PHF2: variants seen among roughly 807,000 people sequenced by gnomAD.
PHF2 encodes lysine-specific demethylase PHF2.
Under a neutral mutation model 120.5 loss-of-function variants are expected in PHF2, and 27 were observed. The ratio of observed to expected loss-of-function variants is 0.22; its 90% CI spans 0.17 to 0.31. The LOEUF (loss-of-function observed/expected upper bound fraction) is 0.31, where lower values mean the gene tolerates loss of function less well. PHF2 is among the 10% of genes least tolerant of loss of function. PHF2 has a pLI of 1.00. For synonymous variants in PHF2, 568 were observed against 592.5 expected, an observed-to-expected ratio of 0.96 and a Z score of 0.60; for missense variants, 1,024 against 1,434.8, an observed-to-expected ratio of 0.71 and a Z score of 4.63.
intron 1 of PHF2, among the ~76,000 whole-genome samples, chr9:93,578,645 G>C (rs1862879504): frequency 6.6e-6 from 1 of 152,204 alleles, no homozygotes; most frequent in Non-Finnish European, 1.5e-5. Flanking sequence ...CGCTGCTTAG[G>C]GGACCCTCTG....
At chr9:93,672,966 G>T (rs1434801290) in intron 17 of PHF2, among the ~76,000 whole-genome samples, 2 of 151,596 alleles carry the variant, frequency 1.3e-5, no homozygotes, top group Non-Finnish European at 2.9e-5. Context: ...ATAGGAGTAG[G>T]TGCAGGTGTA....
chr9:93,617,547 T>G (rs1825748657), intron 1 of PHF2, among the ~76,000 whole-genome samples: 2 of 152,234 alleles, frequency 1.3e-5, no homozygotes, highest in Admixed American at 1.3e-4. Flanking sequence ...ATCTGAATTC[T>G]ACACTCCCCG....
intron 3 of PHF2, among the ~76,000 whole-genome samples, chr9:93,641,114 TAGG>T (rs1039951132): frequency 4.6e-5 from 7 of 152,132 alleles, no homozygotes; most frequent in Non-Finnish European, 8.8e-5. Flanking sequence ...CTGTGATCAT[TAGG>T]AGCATTTCTC....
chr9:93,676,794 GC>G lies in PHF2; in HGVS notation c.3038del (p.Pro1013ArgfsTer74). 6.4e-7 allele frequency: 1 copy of G among 1,552,590 alleles called. No homozygotes were observed. The highest frequency in any genetic ancestry group is 8.7e-7 in the Non-Finnish European group (1 of 1,147,792). ...CCTCGCAGGAGGGCAGCTCGCCAGA[GC>G]CCCCGCCTGAGTCGCATAGCAGCAG... is the stretch of plus-strand genomic sequence containing the variant. ...QASQEGSSPE[P>X]PPESHSSSLA... On this transcript the variant is annotated frameshift_variant, in exon 21 of 22. Transcript: ENST00000359246. LOFTEE classifies it high-confidence loss of function.
chr9:93,628,965 C>T (rs7018598), intron 1 of PHF2, among the ~76,000 whole-genome samples: 2 of 151,890 alleles, frequency 1.3e-5, no homozygotes, highest in African/African-American at 2.4e-5. Context: ...GGTGCAATCT[C>T]GGCTCACTGC....
intron 2 of PHF2, among the ~76,000 whole-genome samples, chr9:93,635,834 A>T (rs747001276): frequency 4.6e-5 from 7 of 152,242 alleles, no homozygotes; most frequent in Middle Eastern, 3.4e-3. Flanking sequence ...GTGAGGAAGT[A>T]GGTGGGGTAG....
chr9:93,663,698 A>G (rs1465264407), intron 14 of PHF2, 63 bp downstream of exon 14: 2 of 884,172 alleles, frequency 2.3e-6, no homozygotes, highest in Non-Finnish European at 1.9e-6. Flanking sequence ...CACACCATAC[A>G]TACTGCATCA....
chr9:93,643,426 C>G (rs1292562021), intron 3 of PHF2, among the ~76,000 whole-genome samples: 3 of 152,194 alleles, frequency 2.0e-5, no homozygotes, highest in African/African-American at 7.2e-5. Flanking sequence ...TCGAGCTTCC[C>G]ACACGGTTGC....
rs1198476633 is a variant in PHF2 at position 93,679,527 on chromosome 9, G to A, written c.*1851G>A. ...ATTACTCTTGTATCGAGTCCATGAGGTCTAAGGCAACTTAGATCAAAGTTT... is the reference window on the plus strand; with the variant it reads ...ATTACTCTTGTATCGAGTCCATGAGATCTAAGGCAACTTAGATCAAAGTTT... On this transcript the variant is annotated 3_prime_UTR_variant, in exon 22 of 22. Coordinates refer to ENST00000359246, the MANE Select transcript of PHF2 (RefSeq NM_005392.4). The A allele has an allele frequency of 4.1e-6, 1 of 245,480 alleles. No homozygotes were observed. Among genetic ancestry groups the A allele is most frequent in the East Asian group, 1.4e-4 (1 of 7,230 alleles). 15.2% of individuals were successfully genotyped at this position (245,480 alleles called of 1,614,324 possible). A position where few individuals can be genotyped will look rare whatever the true frequency, so the allele number is the denominator to read the frequency against.
At position 93,581,885 on chromosome 9, in the gene PHF2, G is replaced by C. The variant is rs535281785; in HGVS notation, c.98+5014G>C. On this transcript the variant is annotated intron_variant, in intron 1 of 21. Transcript: ENST00000359246. ...GAGTTTTTCTGGTGGGAGCAAGTGTGGGCCAGAAAATAGTGTTCCGTGACA... is the reference window on the plus strand; with the variant it reads ...GAGTTTTTCTGGTGGGAGCAAGTGTCGGCCAGAAAATAGTGTTCCGTGACA... 2.2e-3 allele frequency among the ~76,000 whole-genome samples: 341 copies of C among 152,250 alleles called. 2 individuals are homozygous for C. Among genetic ancestry groups the C allele is most frequent in the Non-Finnish European group, 4.1e-3 (276 of 68,022 alleles).
At chr9:93,660,667 AG>A (rs1826548768) in intron 12 of PHF2, 107 bp downstream of exon 12, 2 of 1,116,398 alleles carry the variant, frequency 1.8e-6, no homozygotes, top group African/African-American at 3.2e-5. Context: ...CTTGTTCCCC[AG>A]GGGCCCCTGA....
At chr9:93,586,877 G>C (rs998870937) in intron 1 of PHF2, among the ~76,000 whole-genome samples, 1 of 152,210 alleles carries the variant, frequency 6.6e-6, no homozygotes, top group Non-Finnish European at 1.5e-5. Flanking sequence ...CTCATCACCA[G>C]CCGCCTGCGA....
chr9:93,577,154 G>T (rs1862837348), intron 1 of PHF2, among the ~76,000 whole-genome samples: 1 of 149,872 alleles, frequency 6.7e-6, no homozygotes, highest in African/African-American at 2.4e-5. Flanking sequence ...GGCTCGGGGC[G>T]CGGGGAAGTT....
At chr9:93,673,071 G>C (rs1181724244) in intron 17 of PHF2, among the ~76,000 whole-genome samples, 1 of 151,864 alleles carries the variant, frequency 6.6e-6, no homozygotes, top group African/African-American at 2.4e-5. Flanking sequence ...TGTGCCATGG[G>C]AGGGAGTGGG....
At chr9:93,633,958 G>A (rs991228086) in intron 2 of PHF2, among the ~76,000 whole-genome samples, 3 of 152,170 alleles carry the variant, frequency 2.0e-5, no homozygotes, top group East Asian at 1.9e-4. Flanking sequence ...GCATAACCAC[G>A]GGGCTGCCTC....
chr9:93,645,882 G>T, intron 4 of PHF2, 93 bp downstream of exon 4: 2 of 1,375,790 alleles, frequency 1.5e-6, no homozygotes, highest in East Asian at 5.0e-5. Context: ...CGCCCTGGCT[G>T]TGTCCATGTG....
At chr9:93,658,855 C>T (rs996851090) in intron 10 of PHF2, among the ~76,000 whole-genome samples, 1 of 152,186 alleles carries the variant, frequency 6.6e-6, no homozygotes, top group Non-Finnish European at 1.5e-5. Flanking sequence ...CCACAGAAGC[C>T]ACTTACTGTG....
intron 1 of PHF2, among the ~76,000 whole-genome samples, chr9:93,585,431 A>G (rs79056932): frequency 0.072 from 10,900 of 152,292 alleles, 514 homozygotes; most frequent in Non-Finnish European, 0.097. Context: ...AGGGACAGCA[A>G]GCACAGTTAT....
chr9:93,619,793 G>GC (rs1825795457), intron 1 of PHF2, among the ~76,000 whole-genome samples: 1 of 152,144 alleles, frequency 6.6e-6, no homozygotes. Flanking sequence ...GCTGCTCTTA[G>GC]CCAGGGTTAA....
Sources: gnomAD v4.1 joint callset for allele counts (sites outside exome capture counted in the v4.1 genomes callset) on GRCh38, gnomAD v4.1.1 for gene constraint, MANE v1.5 for transcripts, NCBI Gene and HGNC (gene_info 2026-07-23, HGNC 2026-07-21) for gene names.